The following CSMD1 variants were observed in gnomAD, a reference collection of about 807,000 sequenced individuals.
CSMD1 encodes CUB and Sushi multiple domains 1.
In CSMD1, 213 loss-of-function variants were observed where a neutral mutation model predicts 417.5. That is an observed-to-expected ratio of 0.51 (90% CI 0.46 to 0.57). CSMD1 has a LOEUF of 0.57. CSMD1 is among the 20% of genes least tolerant of loss of function. The pLI is 0.00. For missense variants in CSMD1, 6,923 were observed against 4,529.7 expected, an observed-to-expected ratio of 1.53 and a Z score of -15.17; for synonymous variants, 2,862 against 1,736.8, an observed-to-expected ratio of 1.65 and a Z score of -16.11.
intron 1 of CSMD1, among the ~76,000 whole-genome samples, chr8:4,879,476 T>C (rs1563658990): frequency 6.6e-6 from 1 of 152,098 alleles, no homozygotes; most frequent in Non-Finnish European, 1.5e-5. Flanking sequence ...TACTTTGAAA[T>C]AGCAAATATG....
intron 1 of CSMD1, among the ~76,000 whole-genome samples, chr8:4,821,933 T>C (rs914070100): frequency 1.3e-5 from 2 of 152,038 alleles, no homozygotes; most frequent in African/African-American, 2.4e-5. Flanking sequence ...TCAGGTATTT[T>C]TAAATAATCT....
At chr8:4,483,388 A>G (rs1289361399) in intron 2 of CSMD1, among the ~76,000 whole-genome samples, 1 of 152,194 alleles carries the variant, frequency 6.6e-6, no homozygotes, top group African/African-American at 2.4e-5. Flanking sequence ...ATGCTGCTAC[A>G]TTTTCTAAAG....
chr8:4,367,524 A>C (rs1040801818), intron 3 of CSMD1, among the ~76,000 whole-genome samples: 1 of 152,128 alleles, frequency 6.6e-6, no homozygotes. Flanking sequence ...TTTGCTCAGG[A>C]CTGCTTTAGC....
intron 5 of CSMD1, among the ~76,000 whole-genome samples, chr8:3,962,966 T>C (rs1812429253): frequency 6.6e-6 from 1 of 152,200 alleles, no homozygotes; most frequent in Non-Finnish European, 1.5e-5. Flanking sequence ...AGATGGACTC[T>C]TGCTCCGTCA....
chr8:3,833,644 T>C (rs546601429), intron 5 of CSMD1, among the ~76,000 whole-genome samples: 1 of 152,202 alleles, frequency 6.6e-6, no homozygotes, highest in Admixed American at 6.5e-5. Context: ...TCTCACAGGA[T>C]GGTGTTTGTA....
At position 3,126,806 on chromosome 8, in the gene CSMD1, G is replaced by A. The variant is rs189585646; in HGVS notation, c.6242-8219C>T. ...AAAAGTTGTCAGAGTTTTGGGCCTC[G>A]CTGAGACTACAGGCTTATACATCAA... On this transcript the variant is annotated intron_variant, in intron 41 of 69. Coordinates refer to ENST00000635120, the MANE Select transcript of CSMD1 (RefSeq NM_033225.6). 3.2e-3 allele frequency among the ~76,000 whole-genome samples: 488 copies of A among 152,254 alleles called. 2 individuals are homozygous for A. The highest frequency in any genetic ancestry group is 0.011 in the African/African-American group (462 of 41,554).
chr8:4,531,615 G>C (rs753813752), intron 2 of CSMD1, among the ~76,000 whole-genome samples: 16 of 152,178 alleles, frequency 1.1e-4, no homozygotes, highest in Non-Finnish European at 1.9e-4. Flanking sequence ...TTCTGCGCTC[G>C]TCAGGCCCTC....
intron 3 of CSMD1, among the ~76,000 whole-genome samples, chr8:4,369,040 G>A (rs1207234657): frequency 6.6e-6 from 1 of 152,016 alleles, no homozygotes; most frequent in Non-Finnish European, 1.5e-5. Context: ...TTGATGTTAG[G>A]TTGCTAATTT....
chr8:3,584,129 A>G (rs1033708728), intron 9 of CSMD1, among the ~76,000 whole-genome samples: 2 of 152,204 alleles, frequency 1.3e-5, no homozygotes, highest in Non-Finnish European at 2.9e-5. Flanking sequence ...ATTTATTAGA[A>G]GTAATAAACT....
intron 5 of CSMD1, among the ~76,000 whole-genome samples, chr8:3,832,822 A>C (rs1180296578): frequency 6.6e-6 from 1 of 152,182 alleles, no homozygotes; most frequent in Non-Finnish European, 1.5e-5. Context: ...AAATAAAATA[A>C]AAATCAATTT....
At chr8:4,516,557 C>G (rs1438258292) in intron 2 of CSMD1, among the ~76,000 whole-genome samples, 2 of 152,104 alleles carry the variant, frequency 1.3e-5, no homozygotes, top group Admixed American at 6.5e-5. Context: ...TGGCCCCCAG[C>G]CACTGCCGTA....
intron 1 of CSMD1, among the ~76,000 whole-genome samples, chr8:4,804,766 T>C (rs1427107474): frequency 6.6e-6 from 1 of 152,228 alleles, no homozygotes; most frequent in Non-Finnish European, 1.5e-5. Flanking sequence ...TATCTTAGTA[T>C]TTGTTCTGTT....
At chr8:4,438,917 G>A (rs774990453) in intron 2 of CSMD1, among the ~76,000 whole-genome samples, 34 of 152,196 alleles carry the variant, frequency 2.2e-4, no homozygotes, top group Admixed American at 4.6e-4. Flanking sequence ...GTATGCATAA[G>A]TAACAATATA....
chr8:4,074,922 C>G (rs1199908731), intron 3 of CSMD1, among the ~76,000 whole-genome samples: 2 of 152,062 alleles, frequency 1.3e-5, no homozygotes, highest in African/African-American at 2.4e-5. Context: ...GGATAAGGCA[C>G]CACACTTTGA....
intron 5 of CSMD1, among the ~76,000 whole-genome samples, chr8:3,886,239 G>C (rs1205964237): frequency 2.6e-5 from 4 of 152,020 alleles, no homozygotes; most frequent in Non-Finnish European, 5.9e-5. Context: ...AGTAGAGATG[G>C]GGTTTCACCA....
At chr8:3,843,770 G>A (rs1296212348) in intron 5 of CSMD1, among the ~76,000 whole-genome samples, 1 of 152,186 alleles carries the variant, frequency 6.6e-6, no homozygotes, top group Non-Finnish European at 1.5e-5. Context: ...TTGATTCTCA[G>A]ATCCACCATC....
At chr8:3,526,109 A>G (rs977536043) in intron 10 of CSMD1, among the ~76,000 whole-genome samples, 3 of 152,136 alleles carry the variant, frequency 2.0e-5, no homozygotes, top group African/African-American at 7.2e-5. Context: ...AGCTTTAAAA[A>G]CAGTCTACAT....
chr8:4,861,725 C>T (rs777393006), intron 1 of CSMD1, among the ~76,000 whole-genome samples: 9 of 151,976 alleles, frequency 5.9e-5, no homozygotes, highest in Non-Finnish European at 1.3e-4. Context: ...ATATGGCATA[C>T]GTTAAAGAAT....
At chr8:3,480,831 TA>T (rs2117242004) in intron 11 of CSMD1, among the ~76,000 whole-genome samples, 1 of 152,016 alleles carries the variant, frequency 6.6e-6, no homozygotes, top group East Asian at 1.9e-4. Flanking sequence ...TTAAAAAAAT[TA>T]TCAGGCGTAT....
Sources: allele counts gnomAD v4.1 joint callset (sites outside exome capture counted in the v4.1 genomes callset), GRCh38; gene constraint gnomAD v4.1.1; transcripts MANE v1.5; gene names NCBI Gene and HGNC (gene_info 2026-07-23, HGNC 2026-07-21).